Variants in COL15A1 observed in about 807,000 individuals in gnomAD.
COL15A1 encodes the protein collagen alpha-1(XV) chain.
In COL15A1, 111 loss-of-function variants were observed where a neutral mutation model predicts 165.9. The observed-to-expected ratio is 0.67, with a 90% CI of 0.57 to 0.78. The LOEUF is 0.78. COL15A1 is among the 30% of genes least tolerant of loss of function. The pLI is 0.00. For synonymous variants in COL15A1, 659 were observed against 674.8 expected (o/e 0.98, Z 0.36); for missense variants, 1,745 against 1,789.7 (o/e 0.98, Z 0.45).
At chr9:99,060,033 C>A in intron 36 of COL15A1, 80 bp downstream of exon 36, 1 of 1,486,874 alleles carries the variant, frequency 6.7e-7, no homozygotes, top group Non-Finnish European at 9.2e-7. Context: ...TCTCCTGTGT[C>A]TGACATCCCT....
intron 6 of COL15A1, among the ~76,000 whole-genome samples, chr9:98,998,342 T>C (rs985469146): frequency 3.3e-5 from 5 of 152,132 alleles, no homozygotes; most frequent in Non-Finnish European, 5.9e-5. Flanking sequence ...ACAACTAAAT[T>C]TGGGGAGTCT....
chr9:99,029,113 A>C (rs1656652308), intron 16 of COL15A1, among the ~76,000 whole-genome samples: 1 of 152,220 alleles, frequency 6.6e-6, no homozygotes, highest in South Asian at 2.1e-4. Flanking sequence ...TGCACTGCAG[A>C]TTCTGCCATT....
chr9:98,965,946 C>T (rs1588493911), intron 2 of COL15A1, among the ~76,000 whole-genome samples: 2 of 151,970 alleles, frequency 1.3e-5, no homozygotes, highest in Non-Finnish European at 2.9e-5. Flanking sequence ...GTGTCTGGTC[C>T]TTTTTTTCCA....
chr9:98,952,354 T>C (rs551076232), intron 2 of COL15A1, among the ~76,000 whole-genome samples: 2 of 152,336 alleles, frequency 1.3e-5, no homozygotes, highest in Admixed American at 1.3e-4. Context: ...ACTCTAATGT[T>C]AATTTGCTCT....
At chr9:98,967,180 AGAG>A (rs918768648) in intron 2 of COL15A1, among the ~76,000 whole-genome samples, 43 of 152,314 alleles carry the variant, frequency 2.8e-4, no homozygotes, top group African/African-American at 9.9e-4. Flanking sequence ...AACAGATAAC[AGAG>A]TAGTGAGAAA....
intron 9 of COL15A1, among the ~76,000 whole-genome samples, chr9:99,008,867 C>T (rs1228772438): frequency 3.3e-5 from 5 of 152,246 alleles, no homozygotes; most frequent in Non-Finnish European, 7.3e-5. Flanking sequence ...GCCTCAGCCT[C>T]CCAAAGTGCT....
intron 28 of COL15A1, 62 bp downstream of exon 28, chr9:99,048,062 T>C (rs1839523484): frequency 1.1e-6 from 1 of 875,960 alleles, no homozygotes; most frequent in African/African-American, 1.7e-5. Flanking sequence ...GAGTGTGGGG[T>C]CCACAGAGCA....
intron 36 of COL15A1, among the ~76,000 whole-genome samples, chr9:99,060,227 T>C (rs1026527184): frequency 7.1e-4 from 89 of 125,876 alleles, no homozygotes; most frequent in African/African-American, 2.9e-3. Flanking sequence ...ATATTACTTA[T>C]ATATTTTTAT....
At chr9:99,063,014 A>T in intron 38 of COL15A1, 36 bp from the exon 39 acceptor site, 2 of 1,585,600 alleles carry the variant, frequency 1.3e-6, no homozygotes, top group Non-Finnish European at 8.5e-7. Context: ...TTGAATGCAT[A>T]TTCAGAACTG....
In COL15A1 at chr9:99,054,580, T is replaced by A. The variant is rs1825685652; in HGVS notation, c.2955T>A (p.Val985=). 1 of 1,610,862 alleles carries A rather than the reference T, an allele frequency of 6.2e-7. No individual in the cohort carries two copies. Among genetic ancestry groups the A allele is most frequent in the African/African-American group, 1.3e-5 (1 of 74,692 alleles). ...CATGTATGTGTTTGGTGGCAGGTGT[T>A]AAAGGAGAGAAAGGATCCTGGGGTC... The part of the protein sequence containing the change: ...GSPELITFHG[V]KGEKGSWGLP... The change falls in exon 32 of 42, where the codon GTT becomes GTA. Residue 985 remains valine, a synonymous_variant. Coordinates refer to ENST00000375001, the MANE Select transcript of COL15A1 (RefSeq NM_001855.5).
Position 99,059,965 on chromosome 9 carries a change from C to A in COL15A1, c.3402+12C>A. Reference sequence around the variant, plus strand: ...GATCCAGAAACCTGGTCAGTATTATCATCAGTGTGTAGTCATCATTCCATT... The same window carrying A: ...GATCCAGAAACCTGGTCAGTATTATAATCAGTGTGTAGTCATCATTCCATT... On this transcript the variant is annotated intron_variant, in intron 36 of 41. Transcript: ENST00000375001. 6.2e-7 allele frequency: 1 copy of A among 1,613,560 alleles called. No individual in the cohort carries two copies. The highest frequency in any genetic ancestry group is 1.1e-5 in the South Asian group (1 of 91,016).
At chr9:98,996,095 C>T (rs1448146967) in intron 5 of COL15A1, among the ~76,000 whole-genome samples, 1 of 152,186 alleles carries the variant, frequency 6.6e-6, no homozygotes, top group African/African-American at 2.4e-5. Context: ...AAGGAAATAA[C>T]CTTCTGTTAT....
At chr9:99,056,134 T>G in intron 34 of COL15A1, 126 bp from the exon 35 acceptor site, 1 of 1,030,720 alleles carries the variant, frequency 9.7e-7, no homozygotes, top group Non-Finnish European at 1.5e-6. Context: ...GTGCCCAAGA[T>G]TGAGGATAGT....
chr9:99,070,752 T>C lies in COL15A1; in HGVS notation c.*866T>C, dbSNP rs1484537596. 8.8e-6 allele frequency: 3 copies of C among 341,500 alleles called. No homozygotes were observed. The East Asian group carries it at 3.5e-4, about 40-fold the overall frequency. The allele number at this position is 341,500 out of a possible 1,614,324, so 21.2% of individuals were successfully genotyped here. A position where few individuals can be genotyped will look rare whatever the true frequency, so the allele number is the denominator to read the frequency against. On this transcript the variant is annotated 3_prime_UTR_variant, in exon 42 of 42. Transcript: ENST00000375001. ...TAATTGGATTTTTTTTCCATGTAAG[T>C]GAACATAAAAACATCTTTTCCGGGT...
Position 99,003,496 on chromosome 9 carries a change from GCACTGCT to G in COL15A1, c.1110_1116del (p.Ser370ArgfsTer37). On this transcript the variant is annotated frameshift_variant, in exon 8 of 42. Transcript: ENST00000375001. LOFTEE classifies it high-confidence loss of function. ...GCGGGGCTGGCCGAGGTGCCCATCA[GCACTGCT>G]GGAGAAGCAGAGGCCAGCAGTGTGC... 6.4e-7 allele frequency: 1 copy of G among 1,563,274 alleles called. No homozygotes were observed. Among genetic ancestry groups the G allele is most frequent in the Non-Finnish European group, 8.7e-7 (1 of 1,154,614 alleles).
intron 28 of COL15A1, among the ~76,000 whole-genome samples, chr9:99,048,536 T>G (rs1272615487): frequency 6.6e-6 from 1 of 152,094 alleles, no homozygotes; most frequent in East Asian, 1.9e-4. Flanking sequence ...TTTGTTTTGT[T>G]TTGTTTTGTT....
intron 24 of COL15A1, among the ~76,000 whole-genome samples, chr9:99,043,674 T>C (rs1839449431): frequency 6.6e-6 from 1 of 152,196 alleles, no homozygotes; most frequent in African/African-American, 2.4e-5. Context: ...GAGGCTGCTC[T>C]GCTTGCTTTG....
chr9:99,020,324 G>A (rs1472102256), intron 11 of COL15A1, 65 bp from the exon 12 acceptor site: 25 of 1,185,542 alleles, frequency 2.1e-5, no homozygotes, highest in Non-Finnish European at 2.9e-5. Flanking sequence ...AATGTCATCG[G>A]AACTCAGCAG....
chr9:99,057,153 A>G (rs919247442), intron 35 of COL15A1, among the ~76,000 whole-genome samples: 3 of 152,198 alleles, frequency 2.0e-5, no homozygotes, highest in African/African-American at 7.2e-5. Context: ...AACATTTCTC[A>G]TTCCCATCAG....
Sources: allele counts gnomAD v4.1 joint callset (sites outside exome capture counted in the v4.1 genomes callset), GRCh38; gene constraint gnomAD v4.1.1; transcripts MANE v1.5; gene names NCBI Gene and HGNC (gene_info 2026-07-23, HGNC 2026-07-21).